The following AOX1 variants were observed in gnomAD, a reference collection of about 807,000 sequenced individuals.
AOX1 encodes the protein aldehyde oxidase.
Under a neutral mutation model 169.5 loss-of-function variants are expected in AOX1, and 153 were observed. That is an observed-to-expected ratio of 0.90 (90% CI 0.79 to 1.03). AOX1 has a LOEUF of 1.03. AOX1 is among the 50% of genes least tolerant of loss of function. AOX1 has a pLI of 0.00. For synonymous variants in AOX1, 562 were observed against 581.9 expected (o/e 0.97, Z 0.49); for missense variants, 1,656 against 1,663.9 (o/e 1.00, Z 0.08).
chr2:200,661,272 A>G (rs1402320179), intron 29 of AOX1, among the ~76,000 whole-genome samples: 2 of 152,230 alleles, frequency 1.3e-5, no homozygotes, highest in Non-Finnish European at 2.9e-5. Context: ...AAAATGTCCC[A>G]TCTTAATTGA....
At chr2:200,657,165 A>AAAAAAAAAAAT (rs1179205121) in intron 27 of AOX1, among the ~76,000 whole-genome samples, 6 of 88,370 alleles carry the variant, frequency 6.8e-5, no homozygotes, top group Admixed American at 2.7e-4. Context: ...CTCTACCAAA[A>AAAAAAAAAAAT]ATATATATAT....
At chr2:200,672,153 T>A (rs1292391260), downstream of AOX1, among the ~76,000 whole-genome samples, 1 of 152,238 alleles carries the variant, frequency 6.6e-6, no homozygotes, top group Non-Finnish European at 1.5e-5. Flanking sequence ...GACCACAGAC[T>A]GCTAATGGAT....
intron 16 of AOX1, among the ~76,000 whole-genome samples, chr2:200,620,344 A>G (rs1050466867): frequency 2.0e-5 from 3 of 151,612 alleles, no homozygotes; most frequent in African/African-American, 4.9e-5. Context: ...GATTACAGGC[A>G]TGTGCCACCG....
intron 26 of AOX1, among the ~76,000 whole-genome samples, chr2:200,651,758 C>T (rs368178378): frequency 1.3e-5 from 2 of 152,156 alleles, no homozygotes; most frequent in East Asian, 1.9e-4. Context: ...TGGGAATCTG[C>T]TCTTGCAGTT....
At chr2:200,668,522 TA>T in intron 32 of AOX1, 92 bp from the exon 33 acceptor site, 1 of 1,192,510 alleles carries the variant, frequency 8.4e-7, no homozygotes, top group East Asian at 2.4e-5. Flanking sequence ...ACTGTAATTT[TA>T]AAATTCAAGC....
chr2:200,653,765 A>G (rs1193448769), intron 26 of AOX1, among the ~76,000 whole-genome samples: 2 of 152,230 alleles, frequency 1.3e-5, no homozygotes, highest in Admixed American at 6.5e-5. Flanking sequence ...ACCTTGCTTC[A>G]AGCAAGTCTA....
intron 19 of AOX1, among the ~76,000 whole-genome samples, chr2:200,625,097 G>C (rs968673850): frequency 6.6e-6 from 1 of 152,104 alleles, no homozygotes; most frequent in Non-Finnish European, 1.5e-5. Context: ...ATAAAATCAT[G>C]TCAAATAGAC....
At chr2:200,657,184 ATATATATT>A (rs1355109541) in intron 27 of AOX1, among the ~76,000 whole-genome samples, 2 of 64,772 alleles carry the variant, frequency 3.1e-5, no homozygotes, top group Admixed American at 1.8e-4. Flanking sequence ...ATATATATAT[ATATATATT>A]TTTTTTTTTT....
intron 13 of AOX1, 58 bp downstream of exon 13, chr2:200,611,551 T>C: frequency 9.1e-7 from 1 of 1,102,114 alleles, no homozygotes; most frequent in Non-Finnish European, 1.4e-6. Context: ...GGCTTGTTTA[T>C]TCCAGTATAT....
At chr2:200,593,068 C>T (rs1171408868) in intron 1 of AOX1, 78 bp from the exon 2 acceptor site, 2 of 1,122,966 alleles carry the variant, frequency 1.8e-6, no homozygotes, top group East Asian at 4.7e-5. Context: ...CATGCATTTC[C>T]CTCAAATTAG....
chr2:200,641,858 C>G (rs60322201), intron 24 of AOX1, among the ~76,000 whole-genome samples: 3,596 of 152,118 alleles, frequency 0.024, 154 homozygotes, highest in African/African-American at 0.082. Flanking sequence ...AATGTTTCAA[C>G]CAGGCCAGAC....
intron 26 of AOX1, among the ~76,000 whole-genome samples, chr2:200,654,268 G>A (rs933099620): frequency 2.7e-5 from 4 of 146,378 alleles, no homozygotes; most frequent in East Asian, 4.0e-4. Context: ...CTCCTCAATC[G>A]TCAGCAACCA....
At chr2:200,660,897 G>T (rs1186001122) in intron 29 of AOX1, among the ~76,000 whole-genome samples, 1 of 152,176 alleles carries the variant, frequency 6.6e-6, no homozygotes, top group African/African-American at 2.4e-5. Context: ...AGCCCAGAAA[G>T]CCTGAGTCAG....
rs1349555219 is a variant in AOX1, at chr2:200,663,010, T to C, written c.3543+41T>C. 2.7e-6 allele frequency: 4 copies of C among 1,503,582 alleles called. No individual in the cohort carries two copies. The East Asian group carries it at 9.0e-5, about 34-fold the overall frequency. The allele number at this position is 1,503,582 out of a possible 1,614,324, so 93.1% of individuals were successfully genotyped here. ...AAAGGTCTTCAAGTTGCACTTAGGA[T>C]GCACCTAAATTCCACAGATGCCATC... On this transcript the variant is annotated intron_variant, in intron 31 of 34. Coordinates refer to ENST00000374700, the MANE Select transcript of AOX1 (RefSeq NM_001159.4).
chr2:200,588,037 A>G (rs1250309123), intron 1 of AOX1: 1 of 152,308 alleles, frequency 6.6e-6, no homozygotes, highest in African/African-American at 2.4e-5. Context: ...GGAGATAGCA[A>G]GCATATAAAT....
intron 31 of AOX1, 26 bp downstream of exon 31, chr2:200,662,995 A>G: frequency 6.3e-7 from 1 of 1,586,768 alleles, no homozygotes; most frequent in Non-Finnish European, 8.7e-7. Flanking sequence ...AAAGGTCTTC[A>G]AGTTGCACTT....
chr2:200,675,735 A>C (rs1183045971), downstream of AOX1, among the ~76,000 whole-genome samples: 1 of 152,166 alleles, frequency 6.6e-6, no homozygotes, highest in Non-Finnish European at 1.5e-5. Context: ...GTTAACATTT[A>C]CTGACAGCTT....
chr2:200,650,396 G>A (rs1159826818), intron 25 of AOX1, among the ~76,000 whole-genome samples: 1 of 152,192 alleles, frequency 6.6e-6, no homozygotes, highest in Non-Finnish European at 1.5e-5. Context: ...AGTTTTCTCA[G>A]CTGAGAATGT....
At chr2:200,672,264 A>T (rs2036040775), downstream of AOX1, among the ~76,000 whole-genome samples, 1 of 152,252 alleles carries the variant, frequency 6.6e-6, no homozygotes, top group African/African-American at 2.4e-5. Context: ...AATTTTATAA[A>T]GGTGAGTTTT....
Sources: allele counts gnomAD v4.1 joint callset (sites outside exome capture counted in the v4.1 genomes callset), GRCh38; gene constraint gnomAD v4.1.1; transcripts MANE v1.5; gene names NCBI Gene and HGNC (gene_info 2026-07-23, HGNC 2026-07-21).